Variants in RSU1 observed in about 807,000 individuals in gnomAD.
The protein encoded by RSU1 is rsu-1.
In RSU1, 26 loss-of-function variants were observed where a neutral mutation model predicts 31.1. That is an observed-to-expected ratio of 0.84 (90% confidence interval 0.61 to 1.16). The LOEUF is 1.16. RSU1 is among the 50% of genes most tolerant of loss of function. The probability of loss-of-function intolerance (pLI) is 0.00; values close to 1 mark genes in which losing one functional copy is unlikely to be tolerated. For synonymous variants in RSU1, 164 were observed against 136.3 expected, an observed-to-expected ratio of 1.20 and a Z score of -1.41; for missense variants, 320 against 339.1, an observed-to-expected ratio of 0.94 and a Z score of 0.44.
intron 2 of RSU1, among the ~76,000 whole-genome samples, chr10:16,788,712 T>C (rs992778726): frequency 1.3e-5 from 2 of 152,180 alleles, no homozygotes; most frequent in African/African-American, 4.8e-5. Flanking sequence ...CACATCTACA[T>C]TCCTCTCAGG....
At chr10:16,772,602 A>G (rs1317781019) in intron 3 of RSU1, among the ~76,000 whole-genome samples, 1 of 150,180 alleles carries the variant, frequency 6.7e-6, no homozygotes, top group Non-Finnish European at 1.5e-5. Flanking sequence ...AAATGCCTAG[A>G]AAATTCCAAA....
At chr10:16,611,644 G>C (rs1469733732) in intron 8 of RSU1, among the ~76,000 whole-genome samples, 3 of 152,156 alleles carry the variant, frequency 2.0e-5, no homozygotes, top group African/African-American at 7.2e-5. Context: ...TGTACTGGGG[G>C]CTGACATCTG....
chr10:16,613,193 A>C (rs1833922274), intron 8 of RSU1, among the ~76,000 whole-genome samples: 1 of 152,206 alleles, frequency 6.6e-6, no homozygotes, highest in South Asian at 2.1e-4. Flanking sequence ...CCAGTGAGGC[A>C]AAGCTGGAAC....
At chr10:16,726,927 T>C (rs897055009) in intron 7 of RSU1, 1 of 398,762 alleles carries the variant, frequency 2.5e-6, no homozygotes, top group Admixed American at 2.7e-5. Flanking sequence ...TGCATATGGT[T>C]TGACTGTTTT....
At chr10:16,608,709 C>T (rs1833844497) in intron 8 of RSU1, among the ~76,000 whole-genome samples, 2 of 151,888 alleles carry the variant, frequency 1.3e-5, no homozygotes, top group African/African-American at 4.8e-5. Flanking sequence ...CTTTGAACTC[C>T]ATCTCCTCTT....
At chr10:16,632,098 T>C (rs1481392464) in intron 8 of RSU1, among the ~76,000 whole-genome samples, 1 of 152,136 alleles carries the variant, frequency 6.6e-6, no homozygotes, top group Admixed American at 6.5e-5. Context: ...TCTGTCATCA[T>C]CTCACCACCA....
In RSU1 at chr10:16,636,754, C is replaced by T. The variant is rs563313584; in HGVS notation, c.732-43258G>A. 1.6e-3 allele frequency among the ~76,000 whole-genome samples: 251 copies of T among 152,238 alleles called. 2 individuals carry two copies. The highest frequency in any genetic ancestry group is 5.6e-3 in the African/African-American group (231 of 41,542). ...GGGCAGGGTGGGTGCACTTGCCAGT[C>T]CCACTGTCTGAAACATTCTTTCTCT... On this transcript the variant is annotated intron_variant, in intron 8 of 8. Coordinates refer to ENST00000345264, the MANE Select transcript of RSU1 (RefSeq NM_012425.4).
intron 8 of RSU1, among the ~76,000 whole-genome samples, chr10:16,658,017 T>C (rs1834821527): frequency 6.6e-6 from 1 of 152,030 alleles, no homozygotes. Context: ...AATTCTGTAA[T>C]CCTGTCTCAT....
intron 8 of RSU1, among the ~76,000 whole-genome samples, chr10:16,670,120 T>G (rs11815336): frequency 1.4e-4 from 21 of 152,272 alleles, no homozygotes; most frequent in Admixed American, 1.0e-3. Flanking sequence ...TAAGTTGTTT[T>G]CTAAGCTGAC....
At chr10:16,666,490 TATCTGGGC>T (rs1834990851) in intron 8 of RSU1, among the ~76,000 whole-genome samples, 1 of 152,194 alleles carries the variant, frequency 6.6e-6, no homozygotes, top group Non-Finnish European at 1.5e-5. Context: ...TTCAGAGAGT[TATCTGGGC>T]CAGGCGTGGT....
At chr10:16,740,560 CAT>C (rs1836729198) in intron 7 of RSU1, among the ~76,000 whole-genome samples, 1 of 152,082 alleles carries the variant, frequency 6.6e-6, no homozygotes, top group African/African-American at 2.4e-5. Context: ...AAACAGCTCT[CAT>C]AAAGAGAAAA....
Position 16,593,475 on chromosome 10 carries a change from C to A in RSU1, c.753G>T (p.Gln251His), listed in dbSNP as rs1313894579. The A allele has an allele frequency of 6.2e-7, 1 of 1,613,996 alleles. No individual in the cohort carries two copies. The highest frequency in any genetic ancestry group is 8.5e-7 in the Non-Finnish European group (1 of 1,179,956). The part of the protein sequence containing the change: ...TYKYLYGRHM[Q>H]ANPEPPKKNN... ...TCTTCTTCGGTGGTTCTGGGTTGGCCTGCATGTGTCTGCCGTAGAGGCTGC... is the reference window on the plus strand; with the variant it reads ...TCTTCTTCGGTGGTTCTGGGTTGGCATGCATGTGTCTGCCGTAGAGGCTGC... Residue 251 changes from glutamine to histidine, a missense_variant, in exon 9 of 9, where the codon CAG becomes CAT. By Grantham distance (24) the Gln-to-His change is conservative (BLOSUM62 0). Coordinates refer to ENST00000345264, the MANE Select transcript of RSU1 (RefSeq NM_012425.4).
intron 8 of RSU1, among the ~76,000 whole-genome samples, chr10:16,679,130 A>G (rs1203996343): frequency 6.6e-6 from 1 of 152,218 alleles, no homozygotes; most frequent in Admixed American, 6.5e-5. Context: ...ACTTTTTATT[A>G]CCTACCACCA....
At chr10:16,817,239 T>TGGGGTAGGACAGG in intron 1 of RSU1, 76 bp downstream of exon 1, 1 of 607,100 alleles carries the variant, frequency 1.6e-6, no homozygotes. Flanking sequence ...GGGGAGGGGA[T>TGGGGTAGGACAGG]GGAGTGGGAA....
intron 8 of RSU1, among the ~76,000 whole-genome samples, chr10:16,642,437 T>G (rs1452848564): frequency 1.3e-5 from 2 of 152,176 alleles, no homozygotes; most frequent in African/African-American, 2.4e-5. Flanking sequence ...AGTGATAGAT[T>G]TTTGAGTCTC....
chr10:16,636,321 T>C (rs1182933845), intron 8 of RSU1, among the ~76,000 whole-genome samples: 1 of 152,096 alleles, frequency 6.6e-6, no homozygotes, highest in African/African-American at 2.4e-5. Context: ...GCCAACATCA[T>C]TCTTCAAGTC....
At chr10:16,696,753 C>T (rs11254156) in intron 7 of RSU1, among the ~76,000 whole-genome samples, 46,612 of 151,982 alleles carry the variant, frequency 0.31, 8,090 homozygotes, top group Middle Eastern at 0.41. Context: ...CTGCCTAGGG[C>T]GAATGAAAAC....
At chr10:16,797,251 G>C (rs1364470347) in intron 2 of RSU1, among the ~76,000 whole-genome samples, 6 of 152,100 alleles carry the variant, frequency 3.9e-5, no homozygotes, top group Non-Finnish European at 8.8e-5. Context: ...ACTCCACAAG[G>C]AGCAGTAAGT....
rs192814606 is a variant in RSU1, at chr10:16,687,806, A to T, written c.731+7217T>A. On this transcript the variant is annotated intron_variant, in intron 8 of 8. Transcript: ENST00000345264. ...GTGATCTTGGCTCATTGCAACCTTGACCTTCTGGGCTCAAGGCATCCTCCC... is the reference window on the plus strand; with the variant it reads ...GTGATCTTGGCTCATTGCAACCTTGTCCTTCTGGGCTCAAGGCATCCTCCC... Among the ~76,000 whole-genome samples the T allele has an allele frequency of 5.4e-4, 82 of 152,144 alleles. 1 individual carries two copies. The highest frequency in any genetic ancestry group is 1.9e-3 in the African/African-American group (79 of 41,490).
Sources: allele counts gnomAD v4.1 joint callset (sites outside exome capture counted in the v4.1 genomes callset), GRCh38; gene constraint gnomAD v4.1.1; transcripts MANE v1.5; gene names NCBI Gene and HGNC (gene_info 2026-07-23, HGNC 2026-07-21).